Variants in LRP1B observed in about 807,000 individuals in gnomAD.
LRP1B encodes LDL receptor related protein 1B.
A neutral mutation model predicts 556.6 loss-of-function variants in LRP1B; 217 were observed. The observed-to-expected ratio is 0.39, with a 90% CI of 0.35 to 0.44. LRP1B has a LOEUF of 0.44. Among genes scored for constraint, LRP1B ranks in the 20% least tolerant of loss-of-function variants. The pLI is 1.00. For synonymous variants in LRP1B, 2,047 were observed against 1,865.8 expected (o/e 1.10, Z -2.50); for missense variants, 5,053 against 5,620.8 (o/e 0.90, Z 3.23).
chr2:141,770,940 C>T (rs779331235), intron 2 of LRP1B, among the ~76,000 whole-genome samples: 5 of 152,160 alleles, frequency 3.3e-5, no homozygotes, highest in Admixed American at 6.5e-5. Flanking sequence ...GGAAGACTAA[C>T]CTGAAGGTCA....
chr2:140,970,900 C>A (rs1696400652), intron 18 of LRP1B, among the ~76,000 whole-genome samples: 1 of 151,728 alleles, frequency 6.6e-6, no homozygotes, highest in Admixed American at 6.6e-5. Flanking sequence ...ACCACCACAC[C>A]CTGCTAATTT....
chr2:141,270,378 T>C (rs750220048), intron 3 of LRP1B, among the ~76,000 whole-genome samples: 26 of 152,064 alleles, frequency 1.7e-4, no homozygotes, highest in African/African-American at 2.4e-4. Flanking sequence ...GCAGCCACTA[T>C]GGAAAACAAA....
At chr2:141,549,380 G>C (rs577611716) in intron 2 of LRP1B, among the ~76,000 whole-genome samples, 2 of 152,238 alleles carry the variant, frequency 1.3e-5, no homozygotes, top group African/African-American at 4.8e-5. Context: ...GGGGAATAGA[G>C]TGTAATCATA....
At chr2:140,254,369 C>CT (rs1268133427) in intron 86 of LRP1B, among the ~76,000 whole-genome samples, 1 of 152,134 alleles carries the variant, frequency 6.6e-6, no homozygotes, top group African/African-American at 2.4e-5. Flanking sequence ...ATTCAATTCA[C>CT]TTTCAGTTCC....
chr2:140,443,180 C>G (rs1197937927), intron 65 of LRP1B, among the ~76,000 whole-genome samples: 1 of 152,116 alleles, frequency 6.6e-6, no homozygotes, highest in East Asian at 1.9e-4. Context: ...CCTGCCTCAG[C>G]CTCCCAAGTA....
intron 31 of LRP1B, among the ~76,000 whole-genome samples, chr2:140,830,297 A>G (rs1231911117): frequency 1.3e-5 from 2 of 152,036 alleles, no homozygotes; most frequent in Non-Finnish European, 2.9e-5. Context: ...AACCAAAGAC[A>G]TGACAAAAAC....
In LRP1B at chr2:141,046,562, C is replaced by G. The variant is rs150760534; in HGVS notation, c.1789+2424G>C. 3.3e-5 allele frequency among the ~76,000 whole-genome samples: 5 copies of G among 152,220 alleles called. No homozygotes were observed. In the East Asian group the frequency reaches 7.8e-4, roughly 24 times the overall value. ...GGTGTGAAAATTTGCAAAATGTTCT[C>G]ATAACCTTCATACTGTCAAAGCAGT... On this transcript the variant is annotated intron_variant, in intron 11 of 90. Coordinates refer to ENST00000389484, the MANE Select transcript of LRP1B (RefSeq NM_018557.3).
chr2:140,253,463 A>C (rs1459065432), intron 86 of LRP1B, among the ~76,000 whole-genome samples: 1 of 152,116 alleles, frequency 6.6e-6, no homozygotes, highest in Non-Finnish European at 1.5e-5. Flanking sequence ...GAAACATAAA[A>C]GAAGATAAAA....
At chr2:141,438,269 C>A (rs1680837327) in intron 3 of LRP1B, among the ~76,000 whole-genome samples, 1 of 151,944 alleles carries the variant, frequency 6.6e-6, no homozygotes, top group Admixed American at 6.6e-5. Flanking sequence ...GTACACTTTT[C>A]TTGGTGTGTG....
At chr2:140,805,285 A>C (rs1357331195) in intron 32 of LRP1B, among the ~76,000 whole-genome samples, 3 of 152,216 alleles carry the variant, frequency 2.0e-5, no homozygotes, top group African/African-American at 7.2e-5. Flanking sequence ...TGATAAATAG[A>C]AAAATTTAGC....
At chr2:140,367,915 C>T (rs1159258846) in intron 71 of LRP1B, among the ~76,000 whole-genome samples, 5 of 151,714 alleles carry the variant, frequency 3.3e-5, no homozygotes, top group Admixed American at 2.0e-4. Flanking sequence ...TAAGGTATTG[C>T]ATTAGATAAC....
chr2:140,440,995 C>G (rs1686402441), intron 66 of LRP1B, among the ~76,000 whole-genome samples: 1 of 151,976 alleles, frequency 6.6e-6, no homozygotes, highest in Non-Finnish European at 1.5e-5. Flanking sequence ...TACAGAACCT[C>G]TTTGTGCCCA....
chr2:140,685,232 C>T (rs1686007497), intron 41 of LRP1B, among the ~76,000 whole-genome samples: 1 of 152,136 alleles, frequency 6.6e-6, no homozygotes, highest in Non-Finnish European at 1.5e-5. Context: ...TGTCATTTTA[C>T]ATGCTGGCTA....
At chr2:141,126,161 A>T (rs1355373522) in intron 7 of LRP1B, among the ~76,000 whole-genome samples, 2 of 151,746 alleles carry the variant, frequency 1.3e-5, no homozygotes, top group Admixed American at 6.6e-5. Context: ...CCTCCTGAGT[A>T]GCTGGGATTA....
intron 14 of LRP1B, among the ~76,000 whole-genome samples, chr2:141,006,555 C>T (rs1212040699): frequency 6.6e-6 from 1 of 152,028 alleles, no homozygotes; most frequent in Non-Finnish European, 1.5e-5. Flanking sequence ...GTAATCACAT[C>T]ATTGTGCGAA....
chr2:141,135,187 T>C (rs192307949), intron 7 of LRP1B, among the ~76,000 whole-genome samples: 76 of 152,036 alleles, frequency 5.0e-4, no homozygotes, highest in African/African-American at 1.8e-3. Flanking sequence ...AAAAAATTCT[T>C]ATTAATATTC....
intron 66 of LRP1B, among the ~76,000 whole-genome samples, chr2:140,391,431 G>T (rs1202283616): frequency 3.9e-5 from 6 of 152,092 alleles, no homozygotes; most frequent in Non-Finnish European, 8.8e-5. Context: ...TAGAAGAAAA[G>T]TTTCTGTATC....
intron 3 of LRP1B, among the ~76,000 whole-genome samples, chr2:141,315,538 T>G (rs1277180754): frequency 6.6e-6 from 1 of 151,902 alleles, no homozygotes; most frequent in Non-Finnish European, 1.5e-5. Flanking sequence ...GGATTACAGG[T>G]GTGAGCCACC....
At chr2:140,273,882 C>G (rs1019809199) in intron 85 of LRP1B, among the ~76,000 whole-genome samples, 9 of 151,954 alleles carry the variant, frequency 5.9e-5, no homozygotes, top group Non-Finnish European at 1.5e-5. Flanking sequence ...GAAAGTCAAA[C>G]TCGAAGATTT....
Sources: gnomAD v4.1 joint callset for allele counts (sites outside exome capture counted in the v4.1 genomes callset) on GRCh38, gnomAD v4.1.1 for gene constraint, MANE v1.5 for transcripts, NCBI Gene and HGNC (gene_info 2026-07-23, HGNC 2026-07-21) for gene names.